The following PKN2 variants were observed in gnomAD, a reference collection of about 807,000 sequenced individuals.
PKN2 encodes the protein protein kinase N2, also known as serine/threonine-protein kinase N2.
Under a neutral mutation model 119.1 loss-of-function variants are expected in PKN2, and 38 were observed. The ratio of observed to expected loss-of-function variants is 0.32; its 90% CI spans 0.25 to 0.42. PKN2 has a LOEUF of 0.42. Among genes scored for constraint, PKN2 ranks in the 10% least tolerant of loss-of-function variants. PKN2 has a pLI of 1.00. For synonymous variants in PKN2, 390 were observed against 384.9 expected (o/e 1.01, Z -0.15); for missense variants, 850 against 1,165.1 (o/e 0.73, Z 3.94).
At chr1:88,807,157 GAA>G (rs201281576) in intron 12 of PKN2, among the ~76,000 whole-genome samples, 154 bp from the exon 13 acceptor site, 4 of 151,448 alleles carry the variant, frequency 2.6e-5, no homozygotes, top group Admixed American at 6.6e-5. Context: ...TCTAAAAAAA[GAA>G]AAAAAAATTT....
intron 2 of PKN2, among the ~76,000 whole-genome samples, chr1:88,742,969 T>TC (rs1668634474): frequency 1.3e-5 from 2 of 152,126 alleles, no homozygotes; most frequent in African/African-American, 4.8e-5. Flanking sequence ...GGCAGGCGGA[T>TC]CACTTGAGGC....
chr1:88,714,280 C>T (rs570565005), intron 1 of PKN2, among the ~76,000 whole-genome samples: 6 of 152,124 alleles, frequency 3.9e-5, no homozygotes, highest in Non-Finnish European at 7.4e-5. Flanking sequence ...TTTTTGGTTC[C>T]GTATGAACTT....
chr1:88,789,874 C>A (rs964623071), intron 8 of PKN2, among the ~76,000 whole-genome samples: 1 of 152,020 alleles, frequency 6.6e-6, no homozygotes, highest in African/African-American at 2.4e-5. Context: ...TTTATTATAA[C>A]TATAAAGATT....
intron 6 of PKN2, among the ~76,000 whole-genome samples, chr1:88,778,521 TA>T (rs1168852324): frequency 6.6e-6 from 1 of 152,186 alleles, no homozygotes; most frequent in Admixed American, 6.5e-5. Flanking sequence ...TTCCCAATAA[TA>T]TGTAGAAGCA....
intron 8 of PKN2, among the ~76,000 whole-genome samples, chr1:88,789,772 A>G (rs1670738854): frequency 6.6e-6 from 1 of 151,968 alleles, no homozygotes; most frequent in Non-Finnish European, 1.5e-5. Context: ...TTTGACTCAC[A>G]CTACATGAAA....
chr1:88,700,855 T>G (rs1666743638), intron 1 of PKN2, among the ~76,000 whole-genome samples: 1 of 152,230 alleles, frequency 6.6e-6, no homozygotes, highest in Non-Finnish European at 1.5e-5. Flanking sequence ...GTTGAGTAAA[T>G]AACAGTCTAA....
At chr1:88,694,093 G>A (rs1005954718) in intron 1 of PKN2, among the ~76,000 whole-genome samples, 3 of 152,168 alleles carry the variant, frequency 2.0e-5, no homozygotes, top group Non-Finnish European at 4.4e-5. Flanking sequence ...CTCCACAAGA[G>A]TACATTTGTT....
chr1:88,755,964 G>A (rs1669182422), intron 2 of PKN2, among the ~76,000 whole-genome samples: 1 of 150,308 alleles, frequency 6.7e-6, no homozygotes. Flanking sequence ...CCAGGCTGGA[G>A]TTCAGTGGCG....
chr1:88,824,049 T>A (rs1375903805), intron 17 of PKN2, among the ~76,000 whole-genome samples: 1 of 146,546 alleles, frequency 6.8e-6, no homozygotes, highest in African/African-American at 2.5e-5. Flanking sequence ...TTATCACAAA[T>A]AACAAATTAA....
chr1:88,820,213 T>C (rs1288586152), intron 16 of PKN2, among the ~76,000 whole-genome samples: 1 of 90,684 alleles, frequency 1.1e-5, no homozygotes, highest in African/African-American at 5.0e-5. Context: ...TATATATATA[T>C]ATATATATAT....
chr1:88,787,199 A>G (rs927274344), intron 8 of PKN2, among the ~76,000 whole-genome samples: 2 of 151,968 alleles, frequency 1.3e-5, no homozygotes, highest in Admixed American at 1.3e-4. Flanking sequence ...ATGAATTTGA[A>G]TATTATGAAA....
At chr1:88,757,544 A>G (rs548496081) in intron 2 of PKN2, among the ~76,000 whole-genome samples, 1 of 152,330 alleles carries the variant, frequency 6.6e-6, no homozygotes, top group East Asian at 1.9e-4. Context: ...ACACCATCTT[A>G]TATTGTAGAG....
intron 3 of PKN2, among the ~76,000 whole-genome samples, chr1:88,766,094 T>C (rs1669658602): frequency 6.6e-6 from 1 of 152,250 alleles, no homozygotes; most frequent in Non-Finnish European, 1.5e-5. Flanking sequence ...ATTACAGGCA[T>C]GAGCCACCAT....
At chr1:88,812,782 T>G (rs1272412882) in intron 15 of PKN2, among the ~76,000 whole-genome samples, 1 of 152,192 alleles carries the variant, frequency 6.6e-6, no homozygotes, top group African/African-American at 2.4e-5. Flanking sequence ...ATATTTGTCA[T>G]CTACTTAAGC....
chr1:88,748,611 G>T (rs1668864486), intron 2 of PKN2, among the ~76,000 whole-genome samples: 1 of 152,136 alleles, frequency 6.6e-6, no homozygotes. Context: ...GAGTAGGGTT[G>T]CTGAGTCATG....
intron 1 of PKN2, among the ~76,000 whole-genome samples, chr1:88,696,924 C>T (rs1362537862): frequency 6.6e-6 from 1 of 152,104 alleles, no homozygotes; most frequent in Non-Finnish European, 1.5e-5. Flanking sequence ...ACCACACTCC[C>T]TATCTTTGCA....
In PKN2 at chr1:88,787,222, A is replaced by C. The variant is rs1670615883; in HGVS notation, c.1281+1009A>C. Among the ~76,000 whole-genome samples the C allele has an allele frequency of 2.6e-5, 4 of 152,184 alleles. No homozygotes were observed. The South Asian group carries it at 8.3e-4, about 31-fold the overall frequency. On this transcript the variant is annotated intron_variant, in intron 8 of 21. Coordinates refer to ENST00000370521, the MANE Select transcript of PKN2 (RefSeq NM_006256.4). ...GAATATTATGAAAGGGGATTTGAGAATGGAGAACTACCTGGTTGAATGTCA... is the reference window on the plus strand; with the variant it reads ...GAATATTATGAAAGGGGATTTGAGACTGGAGAACTACCTGGTTGAATGTCA...
intron 2 of PKN2, among the ~76,000 whole-genome samples, chr1:88,751,585 G>A (rs912691169): frequency 7.9e-5 from 12 of 152,066 alleles, no homozygotes; most frequent in African/African-American, 2.7e-4. Flanking sequence ...TCTATATTAT[G>A]TAATAAACTT....
chr1:88,825,891 C>T (rs1672480802), intron 18 of PKN2, among the ~76,000 whole-genome samples: 1 of 152,164 alleles, frequency 6.6e-6, no homozygotes, highest in African/African-American at 2.4e-5. Flanking sequence ...CTGTTTAGTA[C>T]TTTTTGCTGC....
Sources: allele counts gnomAD v4.1 joint callset (sites outside exome capture counted in the v4.1 genomes callset), GRCh38; gene constraint gnomAD v4.1.1; transcripts MANE v1.5; gene names NCBI Gene and HGNC (gene_info 2026-07-23, HGNC 2026-07-21).